Variants in BLM observed in about 807,000 individuals in gnomAD.
The protein encoded by BLM is BLM RecQ like helicase.
In BLM, 95 loss-of-function variants were observed where a neutral mutation model predicts 135.3. The observed-to-expected ratio is 0.70, with a 90% CI of 0.59 to 0.83. The LOEUF (loss-of-function observed/expected upper bound fraction) is 0.83. Ranked by LOEUF, BLM falls within the 40% of genes least tolerant of loss-of-function variation. BLM has a pLI of 0.00. For synonymous variants in BLM, 520 were observed against 589.2 expected (o/e 0.88, Z 1.70); for missense variants, 1,518 against 1,663.9 (o/e 0.91, Z 1.53).
In BLM at chr15:90,815,036, T is replaced by G. The variant is rs567859817; in HGVS notation, c.4077-66T>G. 2.4e-3 allele frequency: 2,992 copies of G among 1,263,114 alleles called. 7 individuals carry two copies. Among genetic ancestry groups the G allele is most frequent in the Non-Finnish European group, 2.8e-3 (2,517 of 909,762 alleles). The allele number at this position is 1,263,114 out of a possible 1,614,324, so 78.2% of individuals were successfully genotyped here. A position where few individuals can be genotyped will look rare whatever the true frequency, so the allele number is the denominator to read the frequency against. On this transcript the variant is annotated intron_variant, in intron 21 of 21. Coordinates refer to ENST00000355112, the MANE Select transcript of BLM (RefSeq NM_000057.4). The surrounding 1 kb of genome is among the most constrained non-coding windows in gnomAD (Gnocchi z 4.6). ...AGTGGTATTGTAGCTCTGTGCAGGT[T>G]GAGAGGAAGGTCATTCATTTTTGGT...
Position 90,815,024 on chromosome 15 carries a change from C to A in BLM, c.4077-78C>A. On this transcript the variant is annotated intron_variant, in intron 21 of 21. Transcript: ENST00000355112. This position sits in a 1 kb window ranked among gnomAD's most constrained non-coding sequence, Gnocchi z 4.6. ...TAGGCCCAGGGAAGTGGTATTGTAG[C>A]TCTGTGCAGGTTGAGAGGAAGGTCA... 7.1e-7 allele frequency: 1 copy of A among 1,407,114 alleles called. No homozygotes were observed. The highest frequency in any genetic ancestry group is 9.8e-7 in the Non-Finnish European group (1 of 1,017,708). The allele number at this position is 1,407,114 out of a possible 1,614,324, so 87.2% of individuals were successfully genotyped here.
rs774639456 is a variant in BLM, at chr15:90,761,243, C to T, written c.1870C>T (p.Gln624Ter). The T allele has an allele frequency of 6.5e-7, 1 of 1,528,210 alleles. No individual in the cohort carries two copies. The allele number at this position is 1,528,210 out of a possible 1,614,324, so 94.7% of individuals were successfully genotyped here. A position where few individuals can be genotyped will look rare whatever the true frequency, so the allele number is the denominator to read the frequency against. The change falls in exon 7 of 22, where the codon CAG (glutamine) becomes TAG (stop). Residue 624 changes from glutamine (Q) to a stop codon, truncating the protein, a stop_gained. Coordinates refer to ENST00000355112, the MANE Select transcript of BLM (RefSeq NM_000057.4). LOFTEE classifies it high-confidence loss of function. ...AQNINFSESIQNYTDKSAQNL... is the reference protein window; with the variant it reads ...AQNINFSESI ...AAATATAAACTTCTCAGAGTCAATT[C>T]AGAATTATACTGGTAAGTTTAAAAT...
rs1224723855 is a variant in BLM at position 90,794,268 on chromosome 15, C to T, written c.3121C>T (p.Leu1041Phe). 1 of 1,607,060 alleles carries T rather than the reference C, an allele frequency of 6.2e-7. No homozygotes were observed. The highest frequency in any genetic ancestry group is 1.7e-5 in the Admixed American group (1 of 59,742). Residue 1041 changes from leucine to phenylalanine, a missense_variant, in exon 16 of 22, where the codon CTT (leucine) becomes TTT (phenylalanine). Coordinates refer to ENST00000355112, the MANE Select transcript of BLM (RefSeq NM_000057.4). Reference sequence around the variant, plus strand: ...TATAACGGAATGCAGGAGAATACAGCTTTTGGCCTACTTTGGTGAAAATGG... The same window carrying T: ...TATAACGGAATGCAGGAGAATACAGTTTTTGGCCTACTTTGGTGAAAATGG... The part of the protein sequence containing the change: ...ENITECRRIQ[L>F]LAYFGENGFN...
At chr15:90,805,009 T>C (rs1199025705) in intron 19 of BLM, among the ~76,000 whole-genome samples, 1 of 152,076 alleles carries the variant, frequency 6.6e-6, no homozygotes, top group African/African-American at 2.4e-5. Flanking sequence ...GCTAATTGTG[T>C]ATTTTTAGTA....
Position 90,760,914 on chromosome 15 carries a change from A to T in BLM, c.1541A>T (p.Lys514Ile), listed in dbSNP as rs550463714. The stretch of plus-strand genomic sequence containing the variant: ...GCTGAAACACCAAGACTAGGAAAAA[A>T]AAATGAAAGCTCTTATTTCCCAGGA... ...NWAETPRLGKKNESSYFPGNV... is the reference protein window; with the variant it reads ...NWAETPRLGKINESSYFPGNV... The change falls in exon 7 of 22, where the codon AAA (lysine) becomes ATA (isoleucine). Residue 514 changes from lysine (K) to isoleucine (I), a missense_variant. Around this residue, in one of 5 missense-constraint regions of BLM, gnomAD observed 724 missense variants for 756.9 expected, o/e 0.96. Transcript: ENST00000355112. 6.2e-7 allele frequency: 1 copy of T among 1,614,084 alleles called. No homozygotes were observed. Among genetic ancestry groups the T allele is most frequent in the Non-Finnish European group, 8.5e-7 (1 of 1,180,036 alleles).
chr15:90,740,760 A>G (rs1399384379), intron 1 of BLM, among the ~76,000 whole-genome samples: 1 of 152,118 alleles, frequency 6.6e-6, no homozygotes, highest in Non-Finnish European at 1.5e-5. Flanking sequence ...GTGAGAGTGA[A>G]TAAGTCTCAC....
At chr15:90,765,203 G>T (rs1047489711) in intron 8 of BLM, 93 bp from the exon 9 acceptor site, 6 of 991,234 alleles carry the variant, frequency 6.1e-6, no homozygotes, top group African/African-American at 1.6e-5. Flanking sequence ...ATATGCCTTG[G>T]TGTCCTATTA....
intron 12 of BLM, among the ~76,000 whole-genome samples, chr15:90,770,571 C>T (rs1365195217): frequency 6.6e-6 from 1 of 152,162 alleles, no homozygotes; most frequent in Admixed American, 6.5e-5. Context: ...ATTCACTCAG[C>T]AAATATTTAT....
chr15:90,766,066 G>C (rs1896117365), intron 9 of BLM, among the ~76,000 whole-genome samples: 1 of 152,176 alleles, frequency 6.6e-6, no homozygotes. Context: ...TCATGATCAT[G>C]CCACTACAAT....
At chr15:90,811,780 C>T (rs920371582) in intron 21 of BLM, among the ~76,000 whole-genome samples, 1 of 151,726 alleles carries the variant, frequency 6.6e-6, no homozygotes, top group African/African-American at 2.4e-5. Flanking sequence ...ACCTCAGCCT[C>T]CTGAGTAGCT....
Position 90,815,593 on chromosome 15 carries a change from G to A in BLM, c.*314G>A. ...GAAGCCAAAGGAAGAGCCACGCGTG[G>A]GCCCTTGTGAAACTAAAGCTTTTCG... On this transcript the variant is annotated 3_prime_UTR_variant, in exon 22 of 22. Transcript: ENST00000355112. This position sits in a 1 kb window ranked among gnomAD's most constrained non-coding sequence, Gnocchi z 4.6. 1 of 365,456 alleles carries A rather than the reference G, an allele frequency of 2.7e-6. No individual in the cohort carries two copies. The highest frequency in any genetic ancestry group is 5.0e-6 in the Non-Finnish European group (1 of 199,348). 22.6% of individuals were successfully genotyped at this position (365,456 alleles called of 1,614,324 possible).
chr15:90,719,528 G>C (rs900101456), intron 1 of BLM, among the ~76,000 whole-genome samples: 1 of 152,060 alleles, frequency 6.6e-6, no homozygotes, highest in Non-Finnish European at 1.5e-5. Flanking sequence ...TTGAACCCAG[G>C]AGGCTGCAGT....
rs749297090 is a variant in BLM at position 90,765,431 on chromosome 15, C to A, written c.2193+17C>A. The A allele has an allele frequency of 6.6e-7, 1 of 1,525,860 alleles. No homozygotes were observed. The highest frequency in any genetic ancestry group is 9.1e-7 in the Non-Finnish European group (1 of 1,101,042). The allele number at this position is 1,525,860 out of a possible 1,614,324, so 94.5% of individuals were successfully genotyped here. A position where few individuals can be genotyped will look rare whatever the true frequency, so the allele number is the denominator to read the frequency against. On this transcript the variant is annotated intron_variant, in intron 9 of 21. Coordinates refer to ENST00000355112, the MANE Select transcript of BLM (RefSeq NM_000057.4). ...TCCTTGGATGTAAGTTATAAAAATACTAATAAAAACACGCCTTAGAAACAA... is the reference window on the plus strand; with the variant it reads ...TCCTTGGATGTAAGTTATAAAAATAATAATAAAAACACGCCTTAGAAACAA...
chr15:90,763,775 G>A (rs1008252889), intron 8 of BLM, among the ~76,000 whole-genome samples: 5 of 152,206 alleles, frequency 3.3e-5, no homozygotes, highest in Admixed American at 1.3e-4. Flanking sequence ...GACATTCATT[G>A]TGCTGTTAAA....
chr15:90,742,060 C>T (rs1400147191), intron 1 of BLM, among the ~76,000 whole-genome samples: 1 of 152,090 alleles, frequency 6.6e-6, no homozygotes, highest in African/African-American at 2.4e-5. Context: ...ACGAAGAGAA[C>T]ATATGACATA....
At chr15:90,814,215 C>A (rs28385175) in intron 21 of BLM, among the ~76,000 whole-genome samples, 4 of 152,198 alleles carry the variant, frequency 2.6e-5, no homozygotes, top group African/African-American at 9.6e-5. Context: ...CGGGAGGCTA[C>A]TTGTATGCCC....
chr15:90,779,094 C>T (rs1896554891), intron 12 of BLM, among the ~76,000 whole-genome samples: 1 of 152,048 alleles, frequency 6.6e-6, no homozygotes. Flanking sequence ...CCCATATTGG[C>T]CAGGCTGGTC....
chr15:90,730,237 C>T (rs1351211380), intron 1 of BLM, among the ~76,000 whole-genome samples: 1 of 152,206 alleles, frequency 6.6e-6, no homozygotes, highest in Non-Finnish European at 1.5e-5. Context: ...AATGATTTTA[C>T]ATCTTTCCAG....
chr15:90,743,870 G>A (rs1895433846), intron 1 of BLM, among the ~76,000 whole-genome samples: 3 of 152,114 alleles, frequency 2.0e-5, no homozygotes, highest in South Asian at 4.1e-4. Flanking sequence ...CTGGCTGGAG[G>A]GTGCTACCTC....
Sources: gnomAD v4.1 joint callset for allele counts (sites outside exome capture counted in the v4.1 genomes callset) on GRCh38, gnomAD v4.1.1 for gene constraint, gnomAD v4.1.1 regional missense constraint, Gnocchi (gnomAD v3.1) non-coding constraint, MANE v1.5 for transcripts, NCBI Gene and HGNC (gene_info 2026-07-23, HGNC 2026-07-21) for gene names.